CDK13: variants seen among roughly 807,000 people sequenced by gnomAD.
CDK13 encodes cyclin dependent kinase 13.
CDK13 carries 40 observed loss-of-function variants against 137.6 expected under a neutral mutation model. The ratio of observed to expected loss-of-function variants is 0.29; its 90% CI spans 0.23 to 0.38. CDK13 has a LOEUF of 0.38. Ranked by LOEUF, CDK13 falls within the 10% of genes least tolerant of loss-of-function variation. CDK13 has a pLI of 1.00. For synonymous variants in CDK13, 869 were observed against 760.1 expected (o/e 1.14, Z -2.36); for missense variants, 1,704 against 1,951.8 (o/e 0.87, Z 2.39).
intron 1 of CDK13, among the ~76,000 whole-genome samples, chr7:39,963,648 C>T (rs1783801862): frequency 6.6e-6 from 1 of 152,190 alleles, no homozygotes; most frequent in South Asian, 2.1e-4. Context: ...CTGGCCAGAA[C>T]TTCCAACACT....
chr7:39,996,105 A>G (rs964757933), intron 2 of CDK13, among the ~76,000 whole-genome samples: 2 of 152,220 alleles, frequency 1.3e-5, no homozygotes, highest in Admixed American at 6.5e-5. Flanking sequence ...TAAATTTACT[A>G]TGATAATTAA....
At chr7:40,039,137 A>T (rs1785548813) in intron 5 of CDK13, among the ~76,000 whole-genome samples, 1 of 146,746 alleles carries the variant, frequency 6.8e-6, no homozygotes, top group South Asian at 2.3e-4. Context: ...TAGAGTTTTT[A>T]ACTTTGCATT....
In CDK13 at chr7:40,028,357, G is replaced by A. The variant is rs1785291680; in HGVS notation, c.2354-17479G>A. On this transcript the variant is annotated intron_variant, in intron 5 of 13. Coordinates refer to ENST00000181839, the MANE Select transcript of CDK13 (RefSeq NM_003718.5). ...CCTCAGCCTCCTGAGTAGCTGGGAC[G>A]ACAGGCACCTGCCACCATGCTTGGC... 2.6e-5 allele frequency among the ~76,000 whole-genome samples: 4 copies of A among 151,696 alleles called. No individual in the cohort carries two copies. In the South Asian group the frequency reaches 8.3e-4, roughly 32 times the overall value.
chr7:40,026,340 C>A (rs553448635), intron 5 of CDK13, among the ~76,000 whole-genome samples: 1 of 152,152 alleles, frequency 6.6e-6, no homozygotes, highest in South Asian at 2.1e-4. Flanking sequence ...TAGACCCTAT[C>A]TCTAAAACAA....
chr7:39,965,084 A>G (rs1391595025), intron 1 of CDK13, among the ~76,000 whole-genome samples: 1 of 152,190 alleles, frequency 6.6e-6, no homozygotes, highest in Non-Finnish European at 1.5e-5. Context: ...GTGGTGCTGA[A>G]AAGAATGTAT....
intron 5 of CDK13, among the ~76,000 whole-genome samples, chr7:40,029,874 G>A (rs529238498): frequency 4.4e-4 from 67 of 152,066 alleles, no homozygotes; most frequent in Non-Finnish European, 7.8e-4. Flanking sequence ...GGCTGGTCTC[G>A]AACTCCTGAC....
rs761745378 is a variant in CDK13 at position 40,093,079 on chromosome 7, C to T, written c.3530C>T (p.Ala1177Val). The change falls in exon 13 of 14, where the codon GCG becomes GTG. Residue 1177 changes from alanine to valine, a missense_variant. Coordinates refer to ENST00000181839, the MANE Select transcript of CDK13 (RefSeq NM_003718.5). ...QPKVETDAAQ[A>V]AVQSAFAVLL... ...AAAGTGGAGACTGATGCTGCCCAGG[C>T]GGCTGTGCAGAGTGCATTTGCAGTT... 17 of 1,614,146 alleles carry T rather than the reference C, an allele frequency of 1.1e-5. No homozygotes were observed. Among genetic ancestry groups the T allele is most frequent in the Middle Eastern group, 1.6e-4 (1 of 6,062 alleles).
intron 7 of CDK13, chr7:40,049,030 C>G (rs867607661): frequency 2.0e-5 from 3 of 148,016 alleles, no homozygotes; most frequent in Non-Finnish European, 4.4e-5. Context: ...ATGGTGAAAC[C>G]CCATCTCTAC....
intron 5 of CDK13, among the ~76,000 whole-genome samples, chr7:40,032,501 T>C (rs1785401930): frequency 6.6e-6 from 1 of 152,250 alleles, no homozygotes; most frequent in East Asian, 1.9e-4. Flanking sequence ...TTCTGTGTTC[T>C]AGAAATTTAG....
intron 1 of CDK13, among the ~76,000 whole-genome samples, chr7:39,974,825 A>G (rs1784072981): frequency 1.3e-5 from 2 of 152,156 alleles, no homozygotes; most frequent in South Asian, 2.1e-4. Context: ...TGACCTCCCA[A>G]AGTACTGGGA....
chr7:40,092,614 A>G (rs1222714952), intron 12 of CDK13, 171 bp from the exon 13 acceptor site: 3 of 584,438 alleles, frequency 5.1e-6, no homozygotes, highest in African/African-American at 1.9e-5. Flanking sequence ...GTACAGGTAC[A>G]TTTTAAATGT....
intron 5 of CDK13, among the ~76,000 whole-genome samples, chr7:40,003,206 A>ACACACTCT (rs374470130): frequency 2.6e-4 from 21 of 79,900 alleles, no homozygotes; most frequent in African/African-American, 9.5e-4. Context: ...ACACACACAC[A>ACACACTCT]CTCTCTCTCT....
chr7:39,984,697 G>C (rs1662097027), intron 1 of CDK13: 3 of 152,174 alleles, frequency 2.0e-5, no homozygotes, highest in Admixed American at 2.0e-4. Context: ...CTGTTGGCTG[G>C]GTGTGGTGGT....
intron 5 of CDK13, among the ~76,000 whole-genome samples, chr7:40,028,929 T>C (rs1193326114): frequency 6.6e-6 from 1 of 152,082 alleles, no homozygotes; most frequent in African/African-American, 2.4e-5. Context: ...GTATATATCA[T>C]TGATACTATA....
chr7:40,027,517 T>G (rs1413615666), intron 5 of CDK13, among the ~76,000 whole-genome samples: 1 of 152,228 alleles, frequency 6.6e-6, no homozygotes. Flanking sequence ...TAGCCACATG[T>G]TAAGACTAAA....
At chr7:40,019,916 C>T (rs1344815820) in intron 5 of CDK13, among the ~76,000 whole-genome samples, 1 of 152,184 alleles carries the variant, frequency 6.6e-6, no homozygotes, top group African/African-American at 2.4e-5. Context: ...GCTTCATTCT[C>T]ACGCTCAAGA....
At chr7:40,027,801 C>T (rs769826183) in intron 5 of CDK13, among the ~76,000 whole-genome samples, 12 of 151,620 alleles carry the variant, frequency 7.9e-5, no homozygotes, top group East Asian at 3.9e-4. Flanking sequence ...TGAGACTTAA[C>T]GCTGAGATTT....
intron 2 of CDK13, among the ~76,000 whole-genome samples, chr7:39,990,567 G>A (rs1784435685): frequency 6.6e-6 from 1 of 152,162 alleles, no homozygotes; most frequent in South Asian, 2.1e-4. Flanking sequence ...ATAAATGGGC[G>A]CTGAAGGGAA....
Position 39,951,124 on chromosome 7 carries a change from G to GCCT in CDK13, c.483_484insCCT (p.Gly161_Ala162insPro). On this transcript the variant is annotated inframe_insertion, in exon 1 of 14. Coordinates refer to ENST00000181839, the MANE Select transcript of CDK13 (RefSeq NM_003718.5). ...CCGAGCAGGGGCTGCTGCTGGGGGG[G>GCCT]GCCAGCGCGGCAACGGCGGCGACGG... 4.8e-6 allele frequency: 6 copies of GCCT among 1,244,230 alleles called. No homozygotes were observed. Among genetic ancestry groups the GCCT allele is most frequent in the Non-Finnish European group, 6.0e-6 (6 of 995,402 alleles). 77.1% of individuals were successfully genotyped at this position (1,244,230 alleles called of 1,614,324 possible).
Sources: gnomAD v4.1 joint callset for allele counts (sites outside exome capture counted in the v4.1 genomes callset) on GRCh38, gnomAD v4.1.1 for gene constraint, MANE v1.5 for transcripts, NCBI Gene and HGNC (gene_info 2026-07-23, HGNC 2026-07-21) for gene names.